The following SLC35F3 variants were observed in gnomAD, a reference collection of about 807,000 sequenced individuals.
SLC35F3 encodes solute carrier family 35 member F3.
In SLC35F3, 25 loss-of-function variants were observed where a neutral mutation model predicts 49.9. The observed-to-expected ratio is 0.50, with a 90% confidence interval of 0.37 to 0.70. The LOEUF (loss-of-function observed/expected upper bound fraction) is 0.70, where lower values mean the gene tolerates loss of function less well. Among genes scored for constraint, SLC35F3 ranks in the 30% least tolerant of loss-of-function variants. SLC35F3 has a pLI of 0.00. For synonymous variants in SLC35F3, 275 were observed against 265.4 expected (o/e 1.04, Z -0.35); for missense variants, 525 against 639.8 (o/e 0.82, Z 1.94).
At chr1:234,278,416 G>C (rs1028382905) in intron 3 of SLC35F3, among the ~76,000 whole-genome samples, 1 of 151,678 alleles carries the variant, frequency 6.6e-6, no homozygotes, top group Admixed American at 6.6e-5. Flanking sequence ...CTTGAACCTG[G>C]GAGGCAGAGA....
intron 2 of SLC35F3, among the ~76,000 whole-genome samples, chr1:233,907,379 C>T (rs1661794191): frequency 6.6e-6 from 1 of 152,148 alleles, no homozygotes; most frequent in Non-Finnish European, 1.5e-5. Flanking sequence ...CTGTTTGGTA[C>T]AACATGTTTT....
At chr1:234,124,633 G>A (rs1665621232) in intron 2 of SLC35F3, among the ~76,000 whole-genome samples, 1 of 152,184 alleles carries the variant, frequency 6.6e-6, no homozygotes, top group Non-Finnish European at 1.5e-5. Context: ...TTGGGAGGCT[G>A]CGGTGGGAGC....
chr1:234,314,936 G>A (rs1266805655), intron 4 of SLC35F3, among the ~76,000 whole-genome samples: 1 of 152,136 alleles, frequency 6.6e-6, no homozygotes, highest in Non-Finnish European at 1.5e-5. Flanking sequence ...GTGTCCTCTG[G>A]AGCAGAAACC....
intron 2 of SLC35F3, among the ~76,000 whole-genome samples, chr1:234,176,236 A>C (rs1416092621): frequency 6.6e-6 from 1 of 152,162 alleles, no homozygotes; most frequent in East Asian, 1.9e-4. Flanking sequence ...CCCCATTCTT[A>C]CCCAAAGAGG....
chr1:234,180,786 A>G (rs1484936641), intron 2 of SLC35F3, among the ~76,000 whole-genome samples: 1 of 152,250 alleles, frequency 6.6e-6, no homozygotes, highest in African/African-American at 2.4e-5. Flanking sequence ...GGGAAGATAC[A>G]GGAGATTCCT....
chr1:234,071,207 C>CTGCT (rs1399384678), intron 2 of SLC35F3, among the ~76,000 whole-genome samples: 2 of 152,222 alleles, frequency 1.3e-5, no homozygotes, highest in African/African-American at 4.8e-5. Context: ...ACATGAGTAC[C>CTGCT]TGCTGGGGGT....
chr1:233,913,974 G>A (rs897879082), intron 2 of SLC35F3, among the ~76,000 whole-genome samples: 1 of 152,184 alleles, frequency 6.6e-6, no homozygotes, highest in Non-Finnish European at 1.5e-5. Flanking sequence ...AAGGTTAAAG[G>A]ATTAGGGGAG....
intron 2 of SLC35F3, among the ~76,000 whole-genome samples, chr1:233,985,625 T>C (rs778563627): frequency 1.4e-4 from 22 of 152,236 alleles, no homozygotes; most frequent in Non-Finnish European, 2.5e-4. Context: ...TGGTACGTGA[T>C]GTAAGTTAGT....
At chr1:234,007,545 A>G (rs938649575) in intron 2 of SLC35F3, among the ~76,000 whole-genome samples, 1 of 152,188 alleles carries the variant, frequency 6.6e-6, no homozygotes, top group South Asian at 2.1e-4. Flanking sequence ...TTTTATGCCG[A>G]ACGAAGTGGG....
At chr1:234,246,413 AGGGCCT>A (rs1667631763) in intron 3 of SLC35F3, among the ~76,000 whole-genome samples, 1 of 152,212 alleles carries the variant, frequency 6.6e-6, no homozygotes, top group Non-Finnish European at 1.5e-5. Flanking sequence ...TCTGAGAAGC[AGGGCCT>A]GTATCAGTAA....
Position 234,323,281 on chromosome 1 carries a change from G to A in SLC35F3, c.*38G>A, listed in dbSNP as rs1472966548. The A allele has an allele frequency of 1.9e-6, 3 of 1,573,838 alleles. No homozygotes were observed. In the African/African-American group the frequency reaches 4.1e-5, roughly 21 times the overall value. ...AGAACTCGGTGGTAATGACTGGGAG[G>A]TCTATTCCTGCCGGGAGGAACCTCA... On this transcript the variant is annotated 3_prime_UTR_variant, in exon 8 of 8. Coordinates refer to ENST00000366618, the MANE Select transcript of SLC35F3 (RefSeq NM_173508.4). The surrounding 1 kb of genome is among the most constrained non-coding windows in gnomAD (Gnocchi z 4.5).
intron 2 of SLC35F3, among the ~76,000 whole-genome samples, chr1:234,023,101 A>G (rs2358195): frequency 0.71 from 107,551 of 152,010 alleles, 38,329 homozygotes; most frequent in African/African-American, 0.78. Flanking sequence ...TTATTTCAGT[A>G]TGGGAGAGGG....
intron 2 of SLC35F3, among the ~76,000 whole-genome samples, chr1:234,137,936 G>A (rs1433429421): frequency 6.6e-6 from 1 of 152,202 alleles, no homozygotes; most frequent in Non-Finnish European, 1.5e-5. Flanking sequence ...GGGTTGGGGT[G>A]AGTGGGGCAG....
At chr1:234,033,919 G>C (rs996077464) in intron 2 of SLC35F3, among the ~76,000 whole-genome samples, 3 of 152,090 alleles carry the variant, frequency 2.0e-5, no homozygotes, top group African/African-American at 7.2e-5. Context: ...GATGGGAATC[G>C]CATCGAATAT....
intron 2 of SLC35F3, among the ~76,000 whole-genome samples, chr1:234,124,133 A>G (rs1254702546): frequency 6.6e-6 from 1 of 152,008 alleles, no homozygotes. Flanking sequence ...TTTACCAACA[A>G]CTCTGAACTC....
At chr1:233,924,906 G>A (rs541351036) in intron 2 of SLC35F3, among the ~76,000 whole-genome samples, 4 of 152,328 alleles carry the variant, frequency 2.6e-5, no homozygotes, top group African/African-American at 9.6e-5. Flanking sequence ...TAGTCATTCA[G>A]GAGCAGGTTG....
chr1:234,077,171 A>T (rs1252760648), intron 2 of SLC35F3, among the ~76,000 whole-genome samples: 3 of 151,028 alleles, frequency 2.0e-5, no homozygotes, highest in Admixed American at 6.6e-5. Flanking sequence ...CGCCCGGCTA[A>T]TTTTTTGTAT....
intron 2 of SLC35F3, among the ~76,000 whole-genome samples, chr1:234,034,875 C>A (rs2102850111): frequency 6.6e-6 from 1 of 152,278 alleles, no homozygotes; most frequent in African/African-American, 2.4e-5. Flanking sequence ...TTTTAATTCT[C>A]CATAAAATTA....
At chr1:234,309,039 G>T in intron 3 of SLC35F3, 62 bp from the exon 4 acceptor site, 3 of 1,365,024 alleles carry the variant, frequency 2.2e-6, no homozygotes, top group Non-Finnish European at 3.0e-6. Context: ...CTTGCTATAG[G>T]AAATAAATGG....
Sources: allele counts gnomAD v4.1 joint callset (sites outside exome capture counted in the v4.1 genomes callset), GRCh38; gene constraint gnomAD v4.1.1; non-coding constraint Gnocchi (gnomAD v3.1); transcripts MANE v1.5; gene names NCBI Gene and HGNC (gene_info 2026-07-23, HGNC 2026-07-21).